Variants in NDUFB1 observed in about 807,000 individuals in gnomAD.
NDUFB1 encodes the protein NADH:ubiquinone oxidoreductase subunit B1.
Under a neutral mutation model 6.7 loss-of-function variants are expected in NDUFB1, and 6 were observed. The observed-to-expected ratio is 0.89, with a 90% CI of 0.49 to 1.76. NDUFB1 has a LOEUF of 1.76. Among genes scored for constraint, NDUFB1 ranks in the 40% most tolerant of loss-of-function variants. The pLI, the probability that NDUFB1 is intolerant of heterozygous loss-of-function variation, is 0.01. For missense variants in NDUFB1, 56 were observed against 71.0 expected, an observed-to-expected ratio of 0.79 and a Z score of 0.76; for synonymous variants, 17 against 22.9, an observed-to-expected ratio of 0.74 and a Z score of 0.74.
intron 1 of NDUFB1, among the ~76,000 whole-genome samples, chr14:92,119,340 T>G (rs577341749): frequency 7.9e-5 from 12 of 151,572 alleles, no homozygotes; most frequent in Non-Finnish European, 1.3e-4. Flanking sequence ...ACTAGGTTAC[T>G]AGGTACCAGA....
chr14:92,121,239 T>A, intron 1 of NDUFB1: 1 of 271,134 alleles, frequency 3.7e-6, no homozygotes. Context: ...ATTTGCGATT[T>A]GGAAGAGAGC....
At chr14:92,116,733 T>A (rs886219143) in intron 2 of NDUFB1, among the ~76,000 whole-genome samples, 1 of 152,242 alleles carries the variant, frequency 6.6e-6, no homozygotes, top group Non-Finnish European at 1.5e-5. Context: ...TTTACCATAT[T>A]GTTAGCTTCA....
In NDUFB1 at chr14:92,116,331, CTTTTTTTTTTT is replaced by C. The variant is rs35571568; in HGVS notation, c.141-113_141-103del. ...AAGAATGATTGCAATATTTCATTTT[CTTTTTTTTTTT>C]TTTTTTTTTGAGACGAAGTCTGGCT... On this transcript the variant is annotated intron_variant, in intron 2 of 2. Coordinates refer to ENST00000605997, the MANE Select transcript of NDUFB1 (RefSeq NM_004545.4). The C allele has an allele frequency of 1.2e-5, 6 of 499,326 alleles. 1 individual carries two copies. In the Admixed American group the frequency reaches 1.8e-4, roughly 15 times the overall value. 30.9% of individuals were successfully genotyped at this position (499,326 alleles called of 1,614,324 possible). A position where few individuals can be genotyped will look rare whatever the true frequency, so the allele number is the denominator to read the frequency against.
chr14:92,121,109 C>G (rs1415164908), intron 1 of NDUFB1: 1 of 157,444 alleles, frequency 6.4e-6, no homozygotes, highest in African/African-American at 2.4e-5. Flanking sequence ...TTGGAGTGAG[C>G]CGAGATTGCA....
chr14:92,116,331 C>CTTTTCTTTT, intron 2 of NDUFB1, 102 bp from the exon 3 acceptor site: 1 of 497,008 alleles, frequency 2.0e-6, no homozygotes, highest in Non-Finnish European at 3.4e-6. Flanking sequence ...ATTTCATTTT[C>CTTTTCTTTT]TTTTTTTTTT....
chr14:92,120,825 T>C (rs1263282), intron 1 of NDUFB1, among the ~76,000 whole-genome samples: 1 of 148,916 alleles, frequency 6.7e-6, no homozygotes, highest in African/African-American at 2.5e-5. Flanking sequence ...GTGTTGGGAT[T>C]ACAGGCGTGA....
Position 92,117,725 on chromosome 14 carries a change from C to A in NDUFB1, c.-5-83G>T. 10 of 1,373,966 alleles carry A rather than the reference C, an allele frequency of 7.3e-6. No homozygotes were observed. In the South Asian group the frequency reaches 1.0e-4, roughly 14 times the overall value. The allele number at this position is 1,373,966 out of a possible 1,614,324, so 85.1% of individuals were successfully genotyped here. On this transcript the variant is annotated intron_variant, in intron 1 of 2. Coordinates refer to ENST00000605997, the MANE Select transcript of NDUFB1 (RefSeq NM_004545.4). ...TTTTAAATTGCATCTGGGCCAGGTG[C>A]GGTGGTTCATGCCTGTAATCCTAGC...
chr14:92,118,957 C>T (rs1596116404), intron 1 of NDUFB1: 1 of 366,858 alleles, frequency 2.7e-6, no homozygotes, highest in Non-Finnish European at 5.3e-6. Context: ...CTGGGGGATA[C>T]AGCGAGTCTC....
chr14:92,120,311 A>G (rs1175124883), intron 1 of NDUFB1: 1 of 151,600 alleles, frequency 6.6e-6, no homozygotes, highest in Non-Finnish European at 1.5e-5. Context: ...CTCTCCTCTT[A>G]CACTGGCATG....
In NDUFB1 at chr14:92,121,699, G is replaced by C; in HGVS notation, c.-63C>G. 1 of 1,613,470 alleles carries C rather than the reference G, an allele frequency of 6.2e-7. No homozygotes were observed. On this transcript the variant is annotated 5_prime_UTR_variant, in exon 1 of 3. Transcript: ENST00000605997. Reference sequence around the variant, plus strand: ...CCAAGGGCAACAGGGAACTCAACCCGCGCCAGTGGAAGCTGCGACCTCGGG... The same window carrying C: ...CCAAGGGCAACAGGGAACTCAACCCCCGCCAGTGGAAGCTGCGACCTCGGG...
At chr14:92,119,416 G>C (rs1483771117) in intron 1 of NDUFB1, among the ~76,000 whole-genome samples, 2 of 152,070 alleles carry the variant, frequency 1.3e-5, no homozygotes, top group Non-Finnish European at 2.9e-5. Context: ...TAAGAAAACA[G>C]CTTAATCCAA....
Position 92,121,690 on chromosome 14 carries a change from A to T in NDUFB1, c.-54T>A. On this transcript the variant is annotated 5_prime_UTR_variant, in exon 1 of 3. Transcript: ENST00000605997. ...ACCCCGAGACCAAGGGCAACAGGGA[A>T]CTCAACCCGCGCCAGTGGAAGCTGC... 2 of 1,613,558 alleles carry T rather than the reference A, an allele frequency of 1.2e-6. No individual in the cohort carries two copies. Among genetic ancestry groups the T allele is most frequent in the African/African-American group, 1.3e-5 (1 of 74,848 alleles).
intron 1 of NDUFB1, chr14:92,118,973 C>T: frequency 5.9e-6 from 2 of 339,284 alleles, no homozygotes; most frequent in Non-Finnish European, 5.5e-6. Flanking sequence ...GTCTCTGTCT[C>T]AGAAAAAAAA....
chr14:92,120,723 T>C (rs1482047226), intron 1 of NDUFB1, among the ~76,000 whole-genome samples: 2 of 149,954 alleles, frequency 1.3e-5, no homozygotes, highest in African/African-American at 4.9e-5. Flanking sequence ...CCCGGCTAAT[T>C]TTTGTATTTT....
At chr14:92,121,526 G>C in intron 1 of NDUFB1, 116 bp downstream of exon 1, 1 of 1,460,956 alleles carries the variant, frequency 6.8e-7, no homozygotes, top group Middle Eastern at 2.4e-4. Context: ...GGAAGCCCCG[G>C]GGAAGCCCAG....
At chr14:92,119,092 G>A (rs1351988176) in intron 1 of NDUFB1, 5 of 187,460 alleles carry the variant, frequency 2.7e-5, no homozygotes, top group African/African-American at 2.4e-5. Context: ...CGGATGGATC[G>A]CTTGAGCCTA....
At position 92,117,903 on chromosome 14, in the gene NDUFB1, CAGG is replaced by C. The variant is rs1251859714; in HGVS notation, c.-5-264_-5-262del. On this transcript the variant is annotated intron_variant, in intron 1 of 2. Coordinates refer to ENST00000605997, the MANE Select transcript of NDUFB1 (RefSeq NM_004545.4). ...ATCCCAGCTACTGGAGAGGCTGAGG[CAGG>C]AGAATTGCTTGAACCCAGGAGGCGG... 6 of 395,068 alleles carry C rather than the reference CAGG, an allele frequency of 1.5e-5. No homozygotes were observed. The East Asian group carries it at 2.4e-4, about 16-fold the overall frequency. 24.5% of individuals were successfully genotyped at this position (395,068 alleles called of 1,614,324 possible). A position where few individuals can be genotyped will look rare whatever the true frequency, so the allele number is the denominator to read the frequency against.
chr14:92,121,471 T>TCC lies in NDUFB1; in HGVS notation c.-6+169_-6+170dup. 7.2e-6 allele frequency: 7 copies of TCC among 967,248 alleles called. No individual in the cohort carries two copies. In the East Asian group the frequency reaches 1.8e-4, roughly 25 times the overall value. 59.9% of individuals were successfully genotyped at this position (967,248 alleles called of 1,614,324 possible). A position where few individuals can be genotyped will look rare whatever the true frequency, so the allele number is the denominator to read the frequency against. Reference sequence around the variant, plus strand: ...AAGCTCCGGCCCGGAAATCCCATCCTCCACCCGAAGAAAACCCCATTTTCC... The same window carrying TCC: ...AAGCTCCGGCCCGGAAATCCCATCCTCCCCACCCGAAGAAAACCCCATTTTCC... On this transcript the variant is annotated intron_variant, in intron 1 of 2. Transcript: ENST00000605997.
rs2068766828 is a variant in NDUFB1 at position 92,121,673 on chromosome 14, A to AC, written c.-38dup. 1 of 1,613,426 alleles carries AC rather than the reference A, an allele frequency of 6.2e-7. No homozygotes were observed. Among genetic ancestry groups the AC allele is most frequent in the African/African-American group, 1.3e-5 (1 of 74,766 alleles). On this transcript the variant is annotated 5_prime_UTR_variant, in exon 1 of 3. Transcript: ENST00000605997. ...CCTCAGCGCCTACAGCGACCCCGAG[A>AC]CCAAGGGCAACAGGGAACTCAACCC...
Sources: gnomAD v4.1 joint callset for allele counts (sites outside exome capture counted in the v4.1 genomes callset) on GRCh38, gnomAD v4.1.1 for gene constraint, MANE v1.5 for transcripts, NCBI Gene and HGNC (gene_info 2026-07-23, HGNC 2026-07-21) for gene names.